SMG6: variants seen among roughly 807,000 people sequenced by gnomAD.
SMG6 encodes the protein telomerase-binding protein EST1A.
SMG6 carries 66 observed loss-of-function variants against 142.2 expected under a neutral mutation model. The observed-to-expected ratio is 0.46, with a 90% CI of 0.38 to 0.57. SMG6 has a LOEUF of 0.57. SMG6 is among the 20% of genes least tolerant of loss of function. SMG6 has a pLI of 0.00. For synonymous variants in SMG6, 779 were observed against 702.4 expected (o/e 1.11, Z -1.72); for missense variants, 1,793 against 1,832.0 (o/e 0.98, Z 0.39).
intron 10 of SMG6, among the ~76,000 whole-genome samples, chr17:2,226,607 A>C (rs888731989): frequency 6.6e-6 from 1 of 150,746 alleles, no homozygotes. Flanking sequence ...AACAAAAAAA[A>C]AACAAACAAG....
Position 2,300,421 on chromosome 17 carries a change from T to C in SMG6, c.332A>G (p.Asp111Gly). 3 of 1,614,214 alleles carry C rather than the reference T, an allele frequency of 1.9e-6. No individual in the cohort carries two copies. Among genetic ancestry groups the C allele is most frequent in the Non-Finnish European group, 1.7e-6 (2 of 1,180,034 alleles). ...LNNQEQNGPI[D>G]PENNRGQESF... is the part of the protein sequence containing the mutation. ...TTCTTGTCCCCGATTATTTTCTGGG[T>C]CTATAGGACCATTCTGCTCTTGGTT... is the stretch of plus-strand genomic sequence containing the variant. The change falls in exon 2 of 19, where the codon GAC becomes GGC. Residue 111 changes from aspartate to glycine, a missense_variant. Asp to Gly is a moderately conservative substitution (Grantham distance 94). Transcript: ENST00000263073.
intron 8 of SMG6, among the ~76,000 whole-genome samples, chr17:2,262,719 G>A (rs1360834322): frequency 6.6e-6 from 1 of 152,010 alleles, no homozygotes; most frequent in Non-Finnish European, 1.5e-5. Flanking sequence ...ACACTTTATT[G>A]CAAGTATTTA....
rs1223401558 is a variant in SMG6, at chr17:2,300,554, C to T, written c.199G>A (p.Glu67Lys). 6.2e-7 allele frequency: 1 copy of T among 1,614,028 alleles called. No homozygotes were observed. The highest frequency in any genetic ancestry group is 1.1e-5 in the South Asian group (1 of 91,082). The change falls in exon 2 of 19, where the codon GAA becomes AAA. Residue 67 changes from glutamate (E) to lysine (K), a missense_variant. Physicochemically the swap from Glu to Lys is moderately conservative, Grantham distance 56. Coordinates refer to ENST00000263073, the MANE Select transcript of SMG6 (RefSeq NM_017575.5). ...TTGAATTCCTCACTCCCAGGGGGTT[C>T]CTTGATTTTGGGCTTGTTCCTTAGC... ...SRLRNKPKIK[E>K]PPGSEEFKDE...
intron 10 of SMG6, among the ~76,000 whole-genome samples, chr17:2,195,861 C>A (rs1198307186): frequency 6.6e-6 from 1 of 152,144 alleles, no homozygotes; most frequent in Non-Finnish European, 1.5e-5. Flanking sequence ...CTCTCATGCC[C>A]ACATTGTTTG....
chr17:2,280,303 C>T (rs1429997632), intron 8 of SMG6, among the ~76,000 whole-genome samples: 1 of 151,972 alleles, frequency 6.6e-6, no homozygotes, highest in Non-Finnish European at 1.5e-5. Flanking sequence ...GGCTTCTTTG[C>T]CCAGGCTGGA....
At chr17:2,082,087 T>G in intron 14 of SMG6, 131 bp from the exon 15 acceptor site, 1 of 871,398 alleles carries the variant, frequency 1.1e-6, no homozygotes, top group East Asian at 2.6e-5. Flanking sequence ...AAGGGTCCCC[T>G]GGTGTGTGCT....
intron 13 of SMG6, among the ~76,000 whole-genome samples, chr17:2,111,247 G>A (rs750507970): frequency 2.0e-5 from 3 of 152,118 alleles, no homozygotes; most frequent in Non-Finnish European, 4.4e-5. Flanking sequence ...AGACAGTAGT[G>A]GGAAGTACTG....
At chr17:2,212,331 G>A (rs879335877) in intron 10 of SMG6, among the ~76,000 whole-genome samples, 1 of 152,116 alleles carries the variant, frequency 6.6e-6, no homozygotes, top group Non-Finnish European at 1.5e-5. Context: ...ACAGACATAC[G>A]AGGAAAAAGA....
intron 6 of SMG6, among the ~76,000 whole-genome samples, chr17:2,289,119 G>T (rs1029002185): frequency 6.6e-6 from 1 of 151,682 alleles, no homozygotes; most frequent in South Asian, 2.1e-4. Context: ...CTGTGGTGGC[G>T]GGCACCTGTA....
intron 10 of SMG6, among the ~76,000 whole-genome samples, chr17:2,191,704 A>G (rs902918347): frequency 6.6e-6 from 1 of 152,224 alleles, no homozygotes; most frequent in Admixed American, 6.5e-5. Flanking sequence ...GCAGGTGACC[A>G]CAGCTCCTAT....
At chr17:2,131,733 C>T (rs1246613444) in intron 13 of SMG6, among the ~76,000 whole-genome samples, 1 of 152,128 alleles carries the variant, frequency 6.6e-6, no homozygotes, top group African/African-American at 2.4e-5. Flanking sequence ...ATGCACATAG[C>T]TGACAAAGAT....
At chr17:2,081,766 A>C in intron 15 of SMG6, 44 bp downstream of exon 15, 1 of 1,607,624 alleles carries the variant, frequency 6.2e-7, no homozygotes. Flanking sequence ...TGCCCTAGAC[A>C]GCAACCCCCA....
intron 10 of SMG6, among the ~76,000 whole-genome samples, chr17:2,191,735 G>A (rs374339558): frequency 1.3e-5 from 2 of 152,132 alleles, no homozygotes; most frequent in African/African-American, 4.8e-5. Context: ...GCCAAATACC[G>A]GCTCGGACAG....
intron 12 of SMG6, among the ~76,000 whole-genome samples, chr17:2,181,363 C>T (rs183394489): frequency 1.3e-4 from 20 of 152,348 alleles, no homozygotes; most frequent in Non-Finnish European, 2.6e-4. Flanking sequence ...CCTTAAATAG[C>T]CATGCCTTGG....
In SMG6 at chr17:2,061,471, G is replaced by GGC; in HGVS notation, c.*20_*21insGC. 2 of 1,565,378 alleles carry GGC rather than the reference G, an allele frequency of 1.3e-6. No homozygotes were observed. The highest frequency in any genetic ancestry group is 1.7e-6 in the Non-Finnish European group (2 of 1,157,158). ...CCTTTCAGGAACGGTTCCACGGGGG[G>GGC]GGGGCCCCAGTGTGGCTCCCTCAGC... On this transcript the variant is annotated 3_prime_UTR_variant, in exon 19 of 19. Coordinates refer to ENST00000263073, the MANE Select transcript of SMG6 (RefSeq NM_017575.5).
chr17:2,155,054 A>G (rs1373246732), intron 13 of SMG6, among the ~76,000 whole-genome samples: 1 of 122,736 alleles, frequency 8.1e-6, no homozygotes, highest in Non-Finnish European at 1.7e-5. Flanking sequence ...TGAGAAAAAA[A>G]ATTTTTTTTT....
intron 13 of SMG6, among the ~76,000 whole-genome samples, chr17:2,121,047 G>A (rs1007071237): frequency 1.3e-4 from 20 of 152,196 alleles, no homozygotes; most frequent in African/African-American, 4.8e-4. Flanking sequence ...TGCATTCAAA[G>A]CATCCTGGGC....
intron 9 of SMG6, among the ~76,000 whole-genome samples, chr17:2,242,689 TAAAAAAAAAAAAAAA>T (rs57079220): frequency 3.6e-5 from 2 of 55,838 alleles, no homozygotes; most frequent in East Asian, 5.1e-4. Context: ...TCCATCTCTT[TAAAAAAAAAAAAAAA>T]AAAAAAAAAA....
In SMG6 at chr17:2,068,730, G is replaced by T. The variant is rs1872739554; in HGVS notation, c.3835+48C>A. On this transcript the variant is annotated intron_variant, in intron 16 of 18. Coordinates refer to ENST00000263073, the MANE Select transcript of SMG6 (RefSeq NM_017575.5). This position sits in a 1 kb window ranked among gnomAD's most constrained non-coding sequence, Gnocchi z 6.7. ...CAGGCCGTGGGGCGTGTGTGGAGGG[G>T]GCTGCTGTGCACATGCAAGGCCGCT... 1 of 1,588,704 alleles carries T rather than the reference G, an allele frequency of 6.3e-7. No individual in the cohort carries two copies. The highest frequency in any genetic ancestry group is 8.6e-7 in the Non-Finnish European group (1 of 1,165,466).
Sources: allele counts gnomAD v4.1 joint callset (sites outside exome capture counted in the v4.1 genomes callset), GRCh38; gene constraint gnomAD v4.1.1; non-coding constraint Gnocchi (gnomAD v3.1); transcripts MANE v1.5; gene names NCBI Gene and HGNC (gene_info 2026-07-23, HGNC 2026-07-21).